The following MAF variants were observed in gnomAD, a reference collection of about 807,000 sequenced individuals.
The protein encoded by MAF is MAF bZIP transcription factor, also known as transcription factor Maf.
In MAF, 10 loss-of-function variants were observed where a neutral mutation model predicts 22.0. The ratio of observed to expected loss-of-function variants is 0.45; its 90% confidence interval spans 0.28 to 0.77. The LOEUF (loss-of-function observed/expected upper bound fraction) is 0.77, where lower values mean the gene tolerates loss of function less well. Ranked by LOEUF, MAF falls within the 30% of genes least tolerant of loss-of-function variation. The pLI is 0.12. For missense variants in MAF, 544 were observed against 548.4 expected (o/e 0.99, Z 0.08); for synonymous variants, 337 against 255.8 (o/e 1.32, Z -3.03).
the MAF span, chr16:79,211,857 C>A: frequency 1.0e-5 from 16 of 1,604,666 alleles, no homozygotes; most frequent in Non-Finnish European, 1.4e-5. Flanking sequence ...CACGCAAGTG[C>A]CAGGGCTGGG....
At chr16:79,233,130 G>T in the MAF span, among the ~76,000 whole-genome samples, 1 of 151,920 alleles carries the variant, frequency 6.6e-6, no homozygotes, top group African/African-American at 2.4e-5. Flanking sequence ...GTGAACCACC[G>T]CGCCCGGCCT....
At chr16:79,286,367 G>C in the MAF span, among the ~76,000 whole-genome samples, 1 of 152,144 alleles carries the variant, frequency 6.6e-6, no homozygotes, top group South Asian at 2.1e-4. Flanking sequence ...TCCTCTGCTA[G>C]AGAAGGAAGC....
At chr16:79,390,591 A>G in the MAF span, among the ~76,000 whole-genome samples, 1 of 152,208 alleles carries the variant, frequency 6.6e-6, no homozygotes, top group East Asian at 1.9e-4. Context: ...ACCAATTATG[A>G]AAAACCCGGC....
chr16:79,431,114 G>C, the MAF span, among the ~76,000 whole-genome samples: 1 of 152,108 alleles, frequency 6.6e-6, no homozygotes, highest in Non-Finnish European at 1.5e-5. Flanking sequence ...CTCCACACCA[G>C]GGTACACAGC....
chr16:79,586,599 G>C (rs1287501256), intron 1 of MAF, among the ~76,000 whole-genome samples: 1 of 152,138 alleles, frequency 6.6e-6, no homozygotes, highest in East Asian at 1.9e-4. Context: ...AAATCTTTTT[G>C]CTTCACAGTG....
chr16:79,506,098 A>G, the MAF span, among the ~76,000 whole-genome samples: 1 of 152,162 alleles, frequency 6.6e-6, no homozygotes, highest in African/African-American at 2.4e-5. Context: ...GAGCAGCATA[A>G]TTTGATCCCC....
chr16:79,278,589 G>A, the MAF span, among the ~76,000 whole-genome samples: 4 of 152,204 alleles, frequency 2.6e-5, no homozygotes, highest in African/African-American at 9.6e-5. Context: ...CCTGCTTGAA[G>A]TATTGCTTTT....
At chr16:79,350,327 T>A in the MAF span, among the ~76,000 whole-genome samples, 87 of 152,226 alleles carry the variant, frequency 5.7e-4, no homozygotes, top group African/African-American at 2.0e-3. Context: ...TATAGAACAA[T>A]CCTTGACCTT....
chr16:79,547,885 T>C, the MAF span, among the ~76,000 whole-genome samples: 87 of 145,834 alleles, frequency 6.0e-4, no homozygotes, highest in African/African-American at 2.0e-3. Flanking sequence ...TGTGTGCGTG[T>C]GTGTGTGTGT....
At chr16:79,286,347 C>G in the MAF span, among the ~76,000 whole-genome samples, 1 of 152,114 alleles carries the variant, frequency 6.6e-6, no homozygotes, top group Non-Finnish European at 1.5e-5. Context: ...TAGAAAAGTC[C>G]TCTGTACTAT....
At chr16:79,318,397 C>A in the MAF span, among the ~76,000 whole-genome samples, 2 of 152,180 alleles carry the variant, frequency 1.3e-5, no homozygotes, top group Non-Finnish European at 2.9e-5. Flanking sequence ...GGTACATGAG[C>A]AATTTCTGGT....
chr16:79,507,710 C>G, the MAF span, among the ~76,000 whole-genome samples: 2 of 152,214 alleles, frequency 1.3e-5, no homozygotes, highest in African/African-American at 4.8e-5. Context: ...CAGGCGTGAG[C>G]CACCGCGCCC....
Position 79,597,672 on chromosome 16 carries a change from T to G in MAF, c.1118+1113A>C, listed in dbSNP as rs567894712. 1.3e-4 allele frequency: 134 copies of G among 1,019,850 alleles called. 1 individual carries two copies. In the African/African-American group the frequency reaches 2.2e-3, roughly 17 times the overall value. The allele number at this position is 1,019,850 out of a possible 1,614,324, so 63.2% of individuals were successfully genotyped here. A position where few individuals can be genotyped will look rare whatever the true frequency, so the allele number is the denominator to read the frequency against. On this transcript the variant is annotated intron_variant, in intron 1 of 1. Transcript: ENST00000326043. ...ACGGTTGCACTGTTTTGTTCTAAAC[T>G]CAAAAAAGTCATGAGGCAATAAAAC...
chr16:79,496,079 G>C, the MAF span, among the ~76,000 whole-genome samples: 1 of 152,162 alleles, frequency 6.6e-6, no homozygotes, highest in South Asian at 2.1e-4. Context: ...AGAGGAGTTA[G>C]CTAAGCTATG....
At chr16:79,269,131 T>C in the MAF span, among the ~76,000 whole-genome samples, 1 of 152,240 alleles carries the variant, frequency 6.6e-6, no homozygotes, top group Non-Finnish European at 1.5e-5. Flanking sequence ...GTCTCAATGC[T>C]TATTGAACTG....
the MAF span, among the ~76,000 whole-genome samples, chr16:79,495,693 G>A: frequency 2.0e-5 from 3 of 152,090 alleles, no homozygotes; most frequent in African/African-American, 7.2e-5. Flanking sequence ...TACTATCTCA[G>A]AATTTTGATG....
chr16:79,221,777 A>G, the MAF span, among the ~76,000 whole-genome samples: 2 of 152,056 alleles, frequency 1.3e-5, no homozygotes, highest in Non-Finnish European at 2.9e-5. Flanking sequence ...GTGTGCATGT[A>G]TGTGTAGATA....
the MAF span, among the ~76,000 whole-genome samples, chr16:79,335,680 A>C: frequency 1.3e-5 from 2 of 152,298 alleles, no homozygotes; most frequent in East Asian, 3.9e-4. Context: ...ATCATTAATG[A>C]GTTTCCATGA....
the MAF span, among the ~76,000 whole-genome samples, chr16:79,536,497 C>A: frequency 2.6e-5 from 4 of 152,120 alleles, no homozygotes; most frequent in African/African-American, 9.7e-5. Flanking sequence ...ACAAAAATAG[C>A]AAGGCATGGT....
Sources: allele counts gnomAD v4.1 joint callset (sites outside exome capture counted in the v4.1 genomes callset), GRCh38; gene constraint gnomAD v4.1.1; transcripts MANE v1.5; gene names NCBI Gene and HGNC (gene_info 2026-07-23, HGNC 2026-07-21).